Variants in EXO1 observed in about 807,000 individuals in gnomAD.
The protein encoded by EXO1 is exonuclease 1.
EXO1 carries 69 observed loss-of-function variants against 84.5 expected under a neutral mutation model. The ratio of observed to expected loss-of-function variants is 0.82; its 90% CI spans 0.67 to 1.00. The LOEUF (loss-of-function observed/expected upper bound fraction) is 1.00. Among genes scored for constraint, EXO1 ranks in the 50% least tolerant of loss-of-function variants. The pLI is 0.00. For synonymous variants in EXO1, 373 were observed against 366.1 expected (o/e 1.02, Z -0.21); for missense variants, 1,045 against 1,000.7 (o/e 1.04, Z -0.60).
chr1:241,861,299 A>G (rs890380343), intron 9 of EXO1, 107 bp from the exon 10 acceptor site: 92 of 713,890 alleles, frequency 1.3e-4, no homozygotes, highest in Non-Finnish European at 1.9e-4. Context: ...CATTTAAGTC[A>G]TAAACCTATG....
At chr1:241,866,404 G>A (rs542098778) in intron 10 of EXO1, among the ~76,000 whole-genome samples, 62 of 152,248 alleles carry the variant, frequency 4.1e-4, no homozygotes, top group Non-Finnish European at 3.4e-4. Flanking sequence ...GTGAGCCACC[G>A]TGCCTGGCTG....
intron 10 of EXO1, 79 bp downstream of exon 10, chr1:241,861,581 C>T (rs779554284): frequency 8.6e-6 from 7 of 810,200 alleles, no homozygotes; most frequent in Non-Finnish European, 1.6e-5. Context: ...TCTTCATACA[C>T]TAAGCTTCTT....
chr1:241,864,318 T>C (rs1307934041), intron 10 of EXO1, among the ~76,000 whole-genome samples: 1 of 152,242 alleles, frequency 6.6e-6, no homozygotes, highest in Non-Finnish European at 1.5e-5. Context: ...TGTCTGTATT[T>C]TGAAAGCAGG....
At chr1:241,872,422 G>C (rs1171918282) in intron 12 of EXO1, 144 bp downstream of exon 12, 2 of 802,918 alleles carry the variant, frequency 2.5e-6, no homozygotes, top group African/African-American at 1.7e-5. Context: ...TGTTACATGG[G>C]TATACATGTG....
Position 241,884,587 on chromosome 1 carries a change from G to C in EXO1, c.2212-727G>C, listed in dbSNP as rs147092698. Reference sequence around the variant, plus strand: ...AAAAATCTCTAAGTTACATCATTAAGAGGAATCAAGATATATTAAGTGAGA... The same window carrying C: ...AAAAATCTCTAAGTTACATCATTAACAGGAATCAAGATATATTAAGTGAGA... On this transcript the variant is annotated intron_variant, in intron 14 of 15. Coordinates refer to ENST00000366548, the MANE Select transcript of EXO1 (RefSeq NM_130398.4). Among the ~76,000 whole-genome samples the C allele has an allele frequency of 3.6e-3, 549 of 152,218 alleles. 6 individuals carry two copies. Among genetic ancestry groups the C allele is most frequent in the African/African-American group, 0.012 (518 of 41,538 alleles).
intron 8 of EXO1, among the ~76,000 whole-genome samples, chr1:241,859,560 A>G (rs1429864439): frequency 6.6e-6 from 1 of 151,974 alleles, no homozygotes; most frequent in Non-Finnish European, 1.5e-5. Context: ...GGAAACGTAA[A>G]TGGATTTTAT....
chr1:241,865,193 A>T lies in EXO1; in HGVS notation c.1042-1637A>T, dbSNP rs890297175. Reference sequence around the variant, plus strand: ...GCCACAGCATTATATATATATATATATATTTTTTGACTTGAATATCTCTTT... The same window carrying T: ...GCCACAGCATTATATATATATATATTTATTTTTTGACTTGAATATCTCTTT... On this transcript the variant is annotated intron_variant, in intron 10 of 15. Transcript: ENST00000366548. 3.0e-3 allele frequency among the ~76,000 whole-genome samples: 365 copies of T among 121,230 alleles called. 1 individual carries two copies. The highest frequency in any genetic ancestry group is 9.5e-3 in the African/African-American group (341 of 36,022). The allele number at this position is 121,230 out of a possible 152,430, so 79.5% of individuals were successfully genotyped here. A position where few individuals can be genotyped will look rare whatever the true frequency, so the allele number is the denominator to read the frequency against.
At chr1:241,855,102 C>T (rs1256567353) in intron 6 of EXO1, among the ~76,000 whole-genome samples, 1 of 152,148 alleles carries the variant, frequency 6.6e-6, no homozygotes, top group Non-Finnish European at 1.5e-5. Context: ...ACAAAGCTTC[C>T]ATGGTGTGGA....
At chr1:241,878,366 G>A (rs1191624874) in intron 12 of EXO1, among the ~76,000 whole-genome samples, 3 of 151,900 alleles carry the variant, frequency 2.0e-5, no homozygotes, top group Non-Finnish European at 2.9e-5. Flanking sequence ...GCATGGTGGC[G>A]CATGCCTGTA....
At chr1:241,860,028 T>C (rs1333176786) in intron 8 of EXO1, among the ~76,000 whole-genome samples, 3 of 152,220 alleles carry the variant, frequency 2.0e-5, no homozygotes, top group Non-Finnish European at 2.9e-5. Context: ...TTTGGTTCTC[T>C]GGGCCTTCCC....
At chr1:241,850,836 C>CTTTTTTTTTT (rs10641736) in intron 4 of EXO1, among the ~76,000 whole-genome samples, 66 of 105,044 alleles carry the variant, frequency 6.3e-4, no homozygotes, top group East Asian at 9.5e-4. Flanking sequence ...CTCCTTTATT[C>CTTTTTTTTTT]TTTTTTTTTT....
intron 6 of EXO1, among the ~76,000 whole-genome samples, chr1:241,855,857 C>T (rs578202973): frequency 6.6e-6 from 1 of 152,244 alleles, no homozygotes; most frequent in Admixed American, 6.5e-5. Context: ...CCGACAGGGC[C>T]GGCCGGCTGC....
In EXO1 at chr1:241,860,793, C is replaced by T. The variant is rs984637817; in HGVS notation, c.944+89C>T. 10 of 1,029,344 alleles carry T rather than the reference C, an allele frequency of 9.7e-6. No individual in the cohort carries two copies. The African/African-American group carries it at 1.6e-4, about 16-fold the overall frequency. The allele number at this position is 1,029,344 out of a possible 1,614,324, so 63.8% of individuals were successfully genotyped here. A position where few individuals can be genotyped will look rare whatever the true frequency, so the allele number is the denominator to read the frequency against. ...TTTTTGTGAGGCATTTAGTAAAAAG[C>T]TTGCACATTATTTTTTGCTCTCTTT... is the stretch of plus-strand genomic sequence containing the variant. On this transcript the variant is annotated intron_variant, in intron 9 of 15. Transcript: ENST00000366548.
chr1:241,859,888 A>G (rs1306989721), intron 8 of EXO1, among the ~76,000 whole-genome samples: 2 of 152,176 alleles, frequency 1.3e-5, no homozygotes, highest in African/African-American at 4.8e-5. Flanking sequence ...TTCTATTTCC[A>G]GGAGTATAAG....
chr1:241,889,746 A>T lies in EXO1; in HGVS notation c.*146A>T, dbSNP rs925623493. ...AGAATACATTTTGTATATTAACTTT[A>T]TAATTGGGTTGTGGTTTTTTTGCTC... is the stretch of plus-strand genomic sequence containing the variant. On this transcript the variant is annotated 3_prime_UTR_variant, in exon 16 of 16. Coordinates refer to ENST00000366548, the MANE Select transcript of EXO1 (RefSeq NM_130398.4). 5.5e-5 allele frequency: 42 copies of T among 761,258 alleles called. No individual in the cohort carries two copies. Among genetic ancestry groups the T allele is most frequent in the Non-Finnish European group, 8.4e-5 (38 of 449,954 alleles). 47.2% of individuals were successfully genotyped at this position (761,258 alleles called of 1,614,324 possible).
intron 10 of EXO1, among the ~76,000 whole-genome samples, chr1:241,865,349 T>C (rs887382950): frequency 4.0e-5 from 6 of 151,772 alleles, no homozygotes; most frequent in Non-Finnish European, 8.8e-5. Flanking sequence ...CTAGCTGGAA[T>C]TACATGCATG....
intron 12 of EXO1, among the ~76,000 whole-genome samples, chr1:241,875,076 T>G (rs2148493248): frequency 6.6e-6 from 1 of 152,352 alleles, no homozygotes; most frequent in Non-Finnish European, 1.5e-5. Flanking sequence ...CCATCTCGGC[T>G]CACTGCCACC....
At chr1:241,889,351 G>A (rs972787084) in intron 15 of EXO1, 114 bp from the exon 16 acceptor site, 9 of 895,598 alleles carry the variant, frequency 1.0e-5, no homozygotes, top group African/African-American at 1.7e-5. Context: ...GAAAGAGATC[G>A]TACAGTAAAG....
chr1:241,857,209 C>A, intron 6 of EXO1, 136 bp from the exon 7 acceptor site: 3 of 823,522 alleles, frequency 3.6e-6, no homozygotes, highest in Non-Finnish European at 6.0e-6. Context: ...AAAAACTCTA[C>A]TTCAAAGGAA....
Sources: gnomAD v4.1 joint callset for allele counts (sites outside exome capture counted in the v4.1 genomes callset) on GRCh38, gnomAD v4.1.1 for gene constraint, MANE v1.5 for transcripts, NCBI Gene and HGNC (gene_info 2026-07-23, HGNC 2026-07-21) for gene names.